FBLN7: variants seen among roughly 807,000 people sequenced by gnomAD.
FBLN7 encodes the protein fibulin-7.
A neutral mutation model predicts 44.0 loss-of-function variants in FBLN7; 31 were observed. That is an observed-to-expected ratio of 0.70 (90% CI 0.53 to 0.95). The LOEUF is 0.95. Among genes scored for constraint, FBLN7 ranks in the 40% least tolerant of loss-of-function variants. The pLI, the probability that FBLN7 is intolerant of heterozygous loss-of-function variation, is 0.00. For synonymous variants in FBLN7, 262 were observed against 253.4 expected (o/e 1.03, Z -0.32); for missense variants, 573 against 618.5 (o/e 0.93, Z 0.78).
At chr2:112,213,923 C>A in the FBLN7 span, 1 of 150,170 alleles carries the variant, frequency 6.7e-6, no homozygotes, top group Non-Finnish European at 1.5e-5. Flanking sequence ...TCTGTGATTT[C>A]CATAATGAAG....
At chr2:112,176,080 G>A in intron 4 of FBLN7, 2 of 339,894 alleles carry the variant, frequency 5.9e-6, no homozygotes, top group East Asian at 4.8e-5. Flanking sequence ...ACAAGCGCAA[G>A]AACTGACTCC....
intron 1 of FBLN7, among the ~76,000 whole-genome samples, chr2:112,143,894 A>G (rs1443012353): frequency 3.3e-5 from 5 of 152,146 alleles, no homozygotes; most frequent in South Asian, 2.1e-4. Flanking sequence ...CCACAATGTC[A>G]TATAAATGGA....
chr2:112,168,170 T>C (rs902180990), intron 3 of FBLN7, among the ~76,000 whole-genome samples: 4 of 152,180 alleles, frequency 2.6e-5, no homozygotes, highest in African/African-American at 9.7e-5. Flanking sequence ...CAGATGCACC[T>C]TGTGCTCGTC....
intron 3 of FBLN7, among the ~76,000 whole-genome samples, chr2:112,169,819 A>G (rs111416272): frequency 1.1e-3 from 172 of 152,328 alleles, no homozygotes; most frequent in Middle Eastern, 3.4e-3. Context: ...CAGAGTAAAC[A>G]GCACGGGGCA....
chr2:112,232,582 G>A, the FBLN7 span, among the ~76,000 whole-genome samples: 53 of 152,154 alleles, frequency 3.5e-4, no homozygotes, highest in East Asian at 9.7e-3. Context: ...TTCCTTTGGG[G>A]GTGGAGGAAT....
the FBLN7 span, among the ~76,000 whole-genome samples, chr2:112,202,275 T>G: frequency 6.6e-6 from 1 of 152,184 alleles, no homozygotes; most frequent in Non-Finnish European, 1.5e-5. Flanking sequence ...CCCAGGAAGA[T>G]GAGTCTCTGG....
At chr2:112,165,333 C>T (rs1466801929) in intron 3 of FBLN7, among the ~76,000 whole-genome samples, 162 bp downstream of exon 3, 1 of 152,218 alleles carries the variant, frequency 6.6e-6, no homozygotes, top group South Asian at 2.1e-4. Flanking sequence ...CACCTCCATG[C>T]CAGGTTGGCG....
At chr2:112,144,039 T>C (rs1680780165) in intron 1 of FBLN7, among the ~76,000 whole-genome samples, 1 of 152,250 alleles carries the variant, frequency 6.6e-6, no homozygotes, top group Non-Finnish European at 1.5e-5. Context: ...ATTTTCACAT[T>C]GCTTAGTATA....
At chr2:112,175,307 G>A (rs1200193738) in intron 3 of FBLN7, among the ~76,000 whole-genome samples, 1 of 152,240 alleles carries the variant, frequency 6.6e-6, no homozygotes, top group Non-Finnish European at 1.5e-5. Context: ...CAGAAGGGTT[G>A]TGGGTTACAG....
chr2:112,202,062 A>G, the FBLN7 span, among the ~76,000 whole-genome samples: 1 of 152,256 alleles, frequency 6.6e-6, no homozygotes, highest in Non-Finnish European at 1.5e-5. Context: ...TACAGCTGGG[A>G]TACAAAGCTT....
the FBLN7 span, among the ~76,000 whole-genome samples, chr2:112,233,664 G>A: frequency 1.3e-5 from 2 of 151,974 alleles, no homozygotes; most frequent in Admixed American, 6.6e-5. Flanking sequence ...TCAGGAGATC[G>A]AGACCATCCT....
At chr2:112,236,811 C>T in the FBLN7 span, 1 of 976,400 alleles carries the variant, frequency 1.0e-6, no homozygotes, top group Non-Finnish European at 1.5e-6. Context: ...CTTTGGGAGG[C>T]TGAGGCAGGA....
intron 4 of FBLN7, chr2:112,176,649 C>T (rs1682750089): frequency 6.6e-6 from 1 of 152,208 alleles, no homozygotes; most frequent in African/African-American, 2.4e-5. Context: ...AAGAGATTTG[C>T]TGCTTAATAT....
rs1680460361 is a variant in FBLN7, at chr2:112,138,551, C to T, written c.-105C>T. 7 of 1,510,366 alleles carry T rather than the reference C, an allele frequency of 4.6e-6. No homozygotes were observed. The highest frequency in any genetic ancestry group is 1.2e-5 in the South Asian group (1 of 85,724). The allele number at this position is 1,510,366 out of a possible 1,614,324, so 93.6% of individuals were successfully genotyped here. On this transcript the variant is annotated 5_prime_UTR_variant, in exon 1 of 8. Coordinates refer to ENST00000331203, the MANE Select transcript of FBLN7 (RefSeq NM_153214.3). Reference sequence around the variant, plus strand: ...CTGCCCCAGCCGCCCCCCGGCCGCGCGGCGCCCCGCACCCTGCAGGGACGG... The same window carrying T: ...CTGCCCCAGCCGCCCCCCGGCCGCGTGGCGCCCCGCACCCTGCAGGGACGG...
At chr2:112,160,110 C>T (rs1027296321) in intron 2 of FBLN7, among the ~76,000 whole-genome samples, 9 of 152,188 alleles carry the variant, frequency 5.9e-5, no homozygotes, top group African/African-American at 1.4e-4. Context: ...CCTGCCTCAG[C>T]CTCCCGCGTA....
At chr2:112,186,986 C>T in intron 7 of FBLN7, 148 bp from the exon 8 acceptor site, 3 of 946,020 alleles carry the variant, frequency 3.2e-6, no homozygotes, top group South Asian at 1.7e-5. Flanking sequence ...CACTCGTCCA[C>T]AGCTCCATAG....
intron 6 of FBLN7, among the ~76,000 whole-genome samples, chr2:112,184,426 C>T (rs1337906576): frequency 1.3e-5 from 2 of 152,102 alleles, no homozygotes; most frequent in African/African-American, 2.4e-5. Context: ...CAGATAGCCA[C>T]CCACACTCCC....
chr2:112,181,765 G>A lies in FBLN7; in HGVS notation c.559G>A (p.Asp187Asn). ...CGCCCCCGAGGGCAGCGTGGCCGGC[G>A]ACTCCGCCTTCAGCCGCGCGCCGCG... ...TAAPEGSVAG[D>N]SAFSRAPRCA... Residue 187 changes from aspartate (D) to asparagine (N), a missense_variant, in exon 5 of 8, where the codon GAC becomes AAC. Asp to Asn is a conservative substitution (Grantham distance 23, BLOSUM62 1). Coordinates refer to ENST00000331203, the MANE Select transcript of FBLN7 (RefSeq NM_153214.3). The A allele has an allele frequency of 7.1e-7, 1 of 1,413,522 alleles. No homozygotes were observed. The highest frequency in any genetic ancestry group is 1.5e-5 in the South Asian group (1 of 67,066). 87.6% of individuals were successfully genotyped at this position (1,413,522 alleles called of 1,614,324 possible).
At chr2:112,196,727 T>G in the FBLN7 span, among the ~76,000 whole-genome samples, 1 of 152,168 alleles carries the variant, frequency 6.6e-6, no homozygotes, top group Non-Finnish European at 1.5e-5. Flanking sequence ...TAGGCTGAAC[T>G]GTGTCTCTCA....
Sources: gnomAD v4.1 joint callset for allele counts (sites outside exome capture counted in the v4.1 genomes callset) on GRCh38, gnomAD v4.1.1 for gene constraint, MANE v1.5 for transcripts, NCBI Gene and HGNC (gene_info 2026-07-23, HGNC 2026-07-21) for gene names.